ZBTB7C: variants seen among roughly 807,000 people sequenced by gnomAD.
ZBTB7C encodes zinc finger and BTB domain-containing protein 7C.
ZBTB7C carries 8 observed loss-of-function variants against 25.7 expected under a neutral mutation model. The observed-to-expected ratio is 0.31, with a 90% CI of 0.18 to 0.56. The LOEUF (loss-of-function observed/expected upper bound fraction) is 0.56, where lower values mean the gene tolerates loss of function less well. Ranked by LOEUF, ZBTB7C falls within the 20% of genes least tolerant of loss-of-function variation. The pLI is 0.91. For missense variants in ZBTB7C, 824 were observed against 855.2 expected, an observed-to-expected ratio of 0.96 and a Z score of 0.46; for synonymous variants, 394 against 369.0, an observed-to-expected ratio of 1.07 and a Z score of -0.78.
At chr18:48,239,268 T>C (rs979775230) in intron 2 of ZBTB7C, among the ~76,000 whole-genome samples, 1 of 152,166 alleles carries the variant, frequency 6.6e-6, no homozygotes. Flanking sequence ...AATAATCTCT[T>C]GGGAGCTCTA....
rs150761965 is a variant in ZBTB7C, at chr18:48,135,370, T to TA, written c.-17+50563dup. The stretch of plus-strand genomic sequence containing the variant: ...CCAAGGCGATTCCTGTCTCTGCAGT[T>TA]AAAGTGTAAGATTCTAAAAGACGTG... On this transcript the variant is annotated intron_variant, in intron 3 of 4. Coordinates refer to ENST00000590800, the MANE Select transcript of ZBTB7C (RefSeq NM_001318841.2). Among the ~76,000 whole-genome samples, 1,318 of 152,310 alleles carry TA rather than the reference T, an allele frequency of 8.7e-3. 24 individuals are homozygous for TA. Among genetic ancestry groups the TA allele is most frequent in the African/African-American group, 0.029 (1,219 of 41,558 alleles).
chr18:48,121,948 C>CTG (rs2039643983), intron 3 of ZBTB7C, among the ~76,000 whole-genome samples: 1 of 152,168 alleles, frequency 6.6e-6, no homozygotes, highest in Non-Finnish European at 1.5e-5. Context: ...GAGGATACAG[C>CTG]ATTAAGGCCT....
At chr18:48,348,900 G>A (rs57080481) in intron 1 of ZBTB7C, among the ~76,000 whole-genome samples, 16,246 of 152,308 alleles carry the variant, frequency 0.11, 1,117 homozygotes, top group Middle Eastern at 0.16. Flanking sequence ...GGGGAGGGCC[G>A]GTTTCCAAGA....
rs186984871 is a variant in ZBTB7C at position 48,378,150 on chromosome 18, A to G, written c.-304+31076T>C. Among the ~76,000 whole-genome samples, 29 of 152,246 alleles carry G rather than the reference A, an allele frequency of 1.9e-4. 1 individual carries two copies. Among genetic ancestry groups the G allele is most frequent in the Admixed American group, 1.8e-3 (27 of 15,304 alleles). ...TGAAACTCCGTTTCAAAAAAAAAGG[A>G]AGGTTGGTTAGCAGTCTGCTTAGGA... is the stretch of plus-strand genomic sequence containing the variant. On this transcript the variant is annotated intron_variant, in intron 1 of 4. Coordinates refer to ENST00000590800, the MANE Select transcript of ZBTB7C (RefSeq NM_001318841.2).
At chr18:48,088,014 T>A (rs4511601) in intron 3 of ZBTB7C, among the ~76,000 whole-genome samples, 78,580 of 152,048 alleles carry the variant, frequency 0.52, 22,327 homozygotes, top group Non-Finnish European at 0.65. Context: ...CAAGTGTATG[T>A]GATCAGCATC....
intron 2 of ZBTB7C, among the ~76,000 whole-genome samples, chr18:48,215,607 A>G (rs1430309190): frequency 6.6e-6 from 1 of 152,198 alleles, no homozygotes; most frequent in Non-Finnish European, 1.5e-5. Context: ...GTCTGGGTTA[A>G]GGTAAGGGGC....
At chr18:48,343,356 G>A (rs1894649500) in intron 1 of ZBTB7C, among the ~76,000 whole-genome samples, 1 of 152,062 alleles carries the variant, frequency 6.6e-6, no homozygotes, top group Admixed American at 6.5e-5. Flanking sequence ...AACAGTGAGA[G>A]GAATTTGTCC....
chr18:48,177,586 T>C (rs529030073), intron 3 of ZBTB7C, among the ~76,000 whole-genome samples: 7 of 152,064 alleles, frequency 4.6e-5, no homozygotes, highest in African/African-American at 1.7e-4. Context: ...CGCATGTGTG[T>C]GTTTGTGTGT....
In ZBTB7C at chr18:48,027,049, G is replaced by C. The variant is rs952689155; in HGVS notation, c.*2211C>G. On this transcript the variant is annotated 3_prime_UTR_variant, in exon 5 of 5. Coordinates refer to ENST00000590800, the MANE Select transcript of ZBTB7C (RefSeq NM_001318841.2). ...CGTAGAGCAATCACATAAAAAAAGA[G>C]TTATAAATAGAAAAAATTCCAAAGT... is the stretch of plus-strand genomic sequence containing the variant. 2 of 147,620 alleles carry C rather than the reference G, an allele frequency of 1.4e-5. No homozygotes were observed. Among genetic ancestry groups the C allele is most frequent in the South Asian group, 2.2e-4 (1 of 4,630 alleles). 9.1% of individuals were successfully genotyped at this position (147,620 alleles called of 1,614,324 possible). A position where few individuals can be genotyped will look rare whatever the true frequency, so the allele number is the denominator to read the frequency against.
At position 48,056,658 on chromosome 18, in the gene ZBTB7C, G is replaced by T. The variant is rs73447933; in HGVS notation, c.-16-15535C>A. ...TTAAAATGGATTTTTCAATTAATGA[G>T]ATTAGAACAACTAGGCAACCATGTA... On this transcript the variant is annotated intron_variant, in intron 3 of 4. Coordinates refer to ENST00000590800, the MANE Select transcript of ZBTB7C (RefSeq NM_001318841.2). 7.3e-3 allele frequency among the ~76,000 whole-genome samples: 1,110 copies of T among 152,188 alleles called. 14 individuals are homozygous for T. The highest frequency in any genetic ancestry group is 0.025 in the African/African-American group (1,039 of 41,528).
At chr18:48,397,624 C>A (rs780157125) in intron 1 of ZBTB7C, among the ~76,000 whole-genome samples, 1 of 152,156 alleles carries the variant, frequency 6.6e-6, no homozygotes, top group Non-Finnish European at 1.5e-5. Flanking sequence ...GGTTGCTCAG[C>A]AATGTCATTT....
intron 4 of ZBTB7C, among the ~76,000 whole-genome samples, chr18:48,031,531 G>T (rs1330756077): frequency 7.0e-6 from 1 of 143,300 alleles, no homozygotes; most frequent in African/African-American, 2.6e-5. Context: ...TTTTTGAGGA[G>T]GAAGGGACTT....
chr18:48,041,193 C>A, intron 3 of ZBTB7C, 70 bp from the exon 4 acceptor site: 2 of 1,492,174 alleles, frequency 1.3e-6, no homozygotes, highest in Non-Finnish European at 1.8e-6. Context: ...AACTCTAGGA[C>A]TCTGAGCCAC....
At chr18:48,184,688 G>A (rs2042011669) in intron 3 of ZBTB7C, among the ~76,000 whole-genome samples, 1 of 152,044 alleles carries the variant, frequency 6.6e-6, no homozygotes, top group Non-Finnish European at 1.5e-5. Flanking sequence ...GTGAGAAGTG[G>A]CTCTGGGGGA....
In ZBTB7C at chr18:48,028,507, G is replaced by A. The variant is rs2035596097; in HGVS notation, c.*753C>T. 1 of 152,206 alleles carries A rather than the reference G, an allele frequency of 6.6e-6. No individual in the cohort carries two copies. The highest frequency in any genetic ancestry group is 2.1e-4 in the South Asian group (1 of 4,830). The allele number at this position is 152,206 out of a possible 1,614,324, so 9.4% of individuals were successfully genotyped here. ...CAGAAAGATAAACTGTTTCCCCATGGACTTGGGGAGTACAAAGCTTCTACC... is the reference window on the plus strand; with the variant it reads ...CAGAAAGATAAACTGTTTCCCCATGAACTTGGGGAGTACAAAGCTTCTACC... On this transcript the variant is annotated 3_prime_UTR_variant, in exon 5 of 5. Transcript: ENST00000590800.
intron 3 of ZBTB7C, among the ~76,000 whole-genome samples, chr18:48,177,753 CTCT>C (rs1166786077): frequency 6.6e-6 from 1 of 152,174 alleles, no homozygotes; most frequent in African/African-American, 2.4e-5. Context: ...CCCTACTCTG[CTCT>C]TCTTGTGCCC....
rs1380013419 is a variant in ZBTB7C, at chr18:48,338,158, G to A, written c.-79+16C>T. The A allele has an allele frequency of 6.6e-6, 1 of 152,176 alleles. No individual in the cohort carries two copies. Among genetic ancestry groups the A allele is most frequent in the African/African-American group, 2.4e-5 (1 of 41,438 alleles). 9.4% of individuals were successfully genotyped at this position (152,176 alleles called of 1,614,324 possible). A position where few individuals can be genotyped will look rare whatever the true frequency, so the allele number is the denominator to read the frequency against. ...CATATCATTCATAAAGGATAGACAA[G>A]CCTCAGGTTCATTACCTGTCATTAC... is the stretch of plus-strand genomic sequence containing the variant. On this transcript the variant is annotated intron_variant, in intron 2 of 4. Transcript: ENST00000590800.
At chr18:48,290,642 A>C (rs1390452170) in intron 2 of ZBTB7C, among the ~76,000 whole-genome samples, 1 of 152,180 alleles carries the variant, frequency 6.6e-6, no homozygotes, top group East Asian at 1.9e-4. Context: ...CTATTGTTGG[A>C]GTTGGACCAT....
intron 3 of ZBTB7C, among the ~76,000 whole-genome samples, chr18:48,085,229 A>G (rs1219253610): frequency 6.6e-6 from 1 of 152,126 alleles, no homozygotes; most frequent in African/African-American, 2.4e-5. Flanking sequence ...TCCTGAGAGC[A>G]GGCTTTGGAG....
Sources: allele counts gnomAD v4.1 joint callset (sites outside exome capture counted in the v4.1 genomes callset), GRCh38; gene constraint gnomAD v4.1.1; transcripts MANE v1.5; gene names NCBI Gene and HGNC (gene_info 2026-07-23, HGNC 2026-07-21).